The following SLC24A2 variants were observed in gnomAD, a reference collection of about 807,000 sequenced individuals.
The protein encoded by SLC24A2 is solute carrier family 24 member 2.
In SLC24A2, 36 loss-of-function variants were observed where a neutral mutation model predicts 62.0. That is an observed-to-expected ratio of 0.58 (90% CI 0.44 to 0.77). SLC24A2 has a LOEUF of 0.77. Among genes scored for constraint, SLC24A2 ranks in the 30% least tolerant of loss-of-function variants. The pLI is 0.00. For synonymous variants in SLC24A2, 358 were observed against 294.0 expected, an observed-to-expected ratio of 1.22 and a Z score of -2.23; for missense variants, 846 against 817.9, an observed-to-expected ratio of 1.03 and a Z score of -0.42.
chr9:19,828,908 C>T, the SLC24A2 span, among the ~76,000 whole-genome samples: 117 of 152,176 alleles, frequency 7.7e-4, no homozygotes, highest in African/African-American at 2.7e-3. Context: ...TATTTGCAAT[C>T]TAGGTGGGGC....
chr9:20,077,255 G>A, the SLC24A2 span, among the ~76,000 whole-genome samples: 3,352 of 152,034 alleles, frequency 0.022, 120 homozygotes, highest in African/African-American at 0.075. Context: ...AAATTGTATT[G>A]TGTTAGGGAT....
the SLC24A2 span, among the ~76,000 whole-genome samples, chr9:20,130,779 C>G: frequency 6.6e-6 from 1 of 152,140 alleles, no homozygotes; most frequent in Admixed American, 6.6e-5. Flanking sequence ...AGTTAGAAGA[C>G]TGTTGTGTTA....
At chr9:19,758,059 C>CT (rs1327602990) in intron 2 of SLC24A2, among the ~76,000 whole-genome samples, 1 of 152,056 alleles carries the variant, frequency 6.6e-6, no homozygotes, top group African/African-American at 2.4e-5. Flanking sequence ...GCTAAATAAA[C>CT]TTTTTTTCTT....
the SLC24A2 span, among the ~76,000 whole-genome samples, chr9:19,963,348 A>C: frequency 6.6e-6 from 1 of 151,726 alleles, no homozygotes; most frequent in Non-Finnish European, 1.5e-5. Context: ...CAATGGCAAC[A>C]AAAGCCAAAA....
At chr9:20,194,880 C>G in the SLC24A2 span, among the ~76,000 whole-genome samples, 3 of 152,032 alleles carry the variant, frequency 2.0e-5, no homozygotes. Flanking sequence ...CACACTACAT[C>G]TTTTCCCATC....
At chr9:19,598,760 A>G (rs528292198) in intron 4 of SLC24A2, among the ~76,000 whole-genome samples, 149 of 152,256 alleles carry the variant, frequency 9.8e-4, no homozygotes, top group African/African-American at 3.5e-3. Context: ...TTCTTAAATG[A>G]CCTAAATACC....
the SLC24A2 span, among the ~76,000 whole-genome samples, chr9:20,002,223 A>C: frequency 2.0e-5 from 3 of 151,722 alleles, no homozygotes; most frequent in Non-Finnish European, 2.9e-5. Flanking sequence ...TTTCACCCCA[A>C]CTCTGTGTCT....
At chr9:20,082,280 AT>A in the SLC24A2 span, among the ~76,000 whole-genome samples, 6 of 152,172 alleles carry the variant, frequency 3.9e-5, no homozygotes, top group African/African-American at 9.7e-5. Flanking sequence ...ATTAACCCCA[AT>A]TTTGTATGCC....
the SLC24A2 span, among the ~76,000 whole-genome samples, chr9:20,206,347 C>T: frequency 6.6e-6 from 1 of 152,080 alleles, no homozygotes; most frequent in Non-Finnish European, 1.5e-5. Context: ...GAATTCAACA[C>T]CTATTAAGCC....
intron 2 of SLC24A2, among the ~76,000 whole-genome samples, chr9:19,699,788 T>A (rs1227824471): frequency 1.3e-5 from 2 of 152,168 alleles, no homozygotes; most frequent in African/African-American, 2.4e-5. Flanking sequence ...TTCCATTATT[T>A]AATAATTTAG....
chr9:19,724,797 T>C (rs1343716612), intron 2 of SLC24A2, among the ~76,000 whole-genome samples: 4 of 152,196 alleles, frequency 2.6e-5, no homozygotes, highest in Non-Finnish European at 5.9e-5. Context: ...TTTTGACATA[T>C]TTAGAAATTC....
intron 10 of SLC24A2, among the ~76,000 whole-genome samples, chr9:19,517,071 G>C (rs1244661943): frequency 6.6e-6 from 1 of 152,132 alleles, no homozygotes; most frequent in African/African-American, 2.4e-5. Flanking sequence ...TTTTATACCT[G>C]TTTTCTCCCT....
chr9:19,856,040 A>T, the SLC24A2 span, among the ~76,000 whole-genome samples: 1 of 151,812 alleles, frequency 6.6e-6, no homozygotes, highest in African/African-American at 2.4e-5. Context: ...AAGATAGTCA[A>T]GCTCTGAGAT....
chr9:19,909,115 A>C, the SLC24A2 span, among the ~76,000 whole-genome samples: 1 of 152,228 alleles, frequency 6.6e-6, no homozygotes, highest in South Asian at 2.1e-4. Flanking sequence ...GGATTAAGAA[A>C]ATGTGGCACA....
At chr9:19,816,363 C>T in the SLC24A2 span, among the ~76,000 whole-genome samples, 1 of 152,092 alleles carries the variant, frequency 6.6e-6, no homozygotes, top group Non-Finnish European at 1.5e-5. Context: ...CGCATTACCT[C>T]CAAACACATT....
the SLC24A2 span, among the ~76,000 whole-genome samples, chr9:19,825,813 T>C: frequency 3.3e-5 from 5 of 151,970 alleles, no homozygotes; most frequent in Non-Finnish European, 7.4e-5. Flanking sequence ...GTCTAAAAAA[T>C]AATATTTTTA....
the SLC24A2 span, among the ~76,000 whole-genome samples, chr9:20,165,577 G>C: frequency 6.6e-6 from 1 of 151,634 alleles, no homozygotes; most frequent in African/African-American, 2.4e-5. Flanking sequence ...AAGACATTTG[G>C]GTAGACATTT....
At chr9:19,782,475 G>C (rs1823045775) in intron 2 of SLC24A2, among the ~76,000 whole-genome samples, 1 of 152,136 alleles carries the variant, frequency 6.6e-6, no homozygotes, top group Non-Finnish European at 1.5e-5. Context: ...ACATTTTGAA[G>C]TTTCCTTGGA....
At chr9:20,073,260 A>T in the SLC24A2 span, among the ~76,000 whole-genome samples, 2 of 152,128 alleles carry the variant, frequency 1.3e-5, no homozygotes, top group Non-Finnish European at 2.9e-5. Flanking sequence ...CAAGCTGTAG[A>T]AGTTATGGTG....
Sources: gnomAD v4.1 joint callset for allele counts (sites outside exome capture counted in the v4.1 genomes callset) on GRCh38, gnomAD v4.1.1 for gene constraint, MANE v1.5 for transcripts, NCBI Gene and HGNC (gene_info 2026-07-23, HGNC 2026-07-21) for gene names.